The following PDE1C variants were observed in gnomAD, a reference collection of about 807,000 sequenced individuals.
The protein encoded by PDE1C is dual specificity calcium/calmodulin-dependent 3',5'-cyclic nucleotide phosphodiesterase 1C.
A neutral mutation model predicts 93.1 loss-of-function variants in PDE1C; 62 were observed. The observed-to-expected ratio is 0.67, with a 90% confidence interval of 0.54 to 0.82. PDE1C has a LOEUF of 0.82. Among genes scored for constraint, PDE1C ranks in the 40% least tolerant of loss-of-function variants. The pLI, the probability that PDE1C is intolerant of heterozygous loss-of-function variation, is 0.00. For synonymous variants in PDE1C, 325 were observed against 310.1 expected, an observed-to-expected ratio of 1.05 and a Z score of -0.50; for missense variants, 742 against 884.6, an observed-to-expected ratio of 0.84 and a Z score of 2.04.
At chr7:32,215,052 G>A (rs1475002169) in intron 1 of PDE1C, among the ~76,000 whole-genome samples, 1 of 152,032 alleles carries the variant, frequency 6.6e-6, no homozygotes, top group African/African-American at 2.4e-5. Context: ...CCCTGCAAGT[G>A]AGGACAGGAC....
At chr7:31,637,217 A>G in the PDE1C span, among the ~76,000 whole-genome samples, 1 of 152,136 alleles carries the variant, frequency 6.6e-6, no homozygotes, top group African/African-American at 2.4e-5. Flanking sequence ...GTGTCTTTAT[A>G]GCAGCATGAT....
In PDE1C at chr7:31,864,958, T is replaced by G. The variant is rs759241608; in HGVS notation, c.734A>C (p.Tyr245Ser). 6.2e-7 allele frequency: 1 copy of G among 1,613,900 alleles called. No individual in the cohort carries two copies. The highest frequency in any genetic ancestry group is 1.1e-5 in the South Asian group (1 of 91,050). Residue 245 changes from tyrosine (Y) to serine (S), a missense_variant, in exon 7 of 18, where the codon TAT becomes TCT. By Grantham distance (144) the Tyr-to-Ser change is moderately radical. Transcript: ENST00000396191. ...DVTQTVHYLL[Y>S]KTGVANWLTE... Reference sequence around the variant, plus strand: ...CCTACTTACCGCCACTCCTGTCTTATAGAGGAGGTAATGCACTGTCTGTGT... The same window carrying G: ...CCTACTTACCGCCACTCCTGTCTTAGAGAGGAGGTAATGCACTGTCTGTGT...
At chr7:31,683,522 A>G in the PDE1C span, among the ~76,000 whole-genome samples, 1 of 152,170 alleles carries the variant, frequency 6.6e-6, no homozygotes, top group South Asian at 2.1e-4. Context: ...AAAACTGCCC[A>G]GAGCAAAGAC....
At chr7:31,737,620 G>A in the PDE1C span, among the ~76,000 whole-genome samples, 7 of 151,846 alleles carry the variant, frequency 4.6e-5, no homozygotes, top group Admixed American at 4.6e-4. Context: ...TGGCAAACAT[G>A]GTGAAATCCT....
chr7:32,270,339 A>G (rs1256232660), intron 1 of PDE1C, among the ~76,000 whole-genome samples: 1 of 151,764 alleles, frequency 6.6e-6, no homozygotes, highest in East Asian at 1.9e-4. Context: ...TGGGTGATAT[A>G]AAAGGAAAAA....
chr7:31,723,115 C>A, the PDE1C span, among the ~76,000 whole-genome samples: 1 of 152,178 alleles, frequency 6.6e-6, no homozygotes, highest in East Asian at 1.9e-4. Flanking sequence ...AATAACTGCT[C>A]ATTCCTGCTT....
chr7:31,891,467 T>C (rs71530564), intron 2 of PDE1C, among the ~76,000 whole-genome samples: 1,821 of 152,320 alleles, frequency 0.012, 15 homozygotes, highest in Middle Eastern at 0.027. Context: ...TTTCTAACTT[T>C]AAAATCCTTT....
intron 1 of PDE1C, among the ~76,000 whole-genome samples, chr7:32,266,727 G>C (rs1191963966): frequency 6.6e-6 from 1 of 152,136 alleles, no homozygotes; most frequent in Non-Finnish European, 1.5e-5. Flanking sequence ...CTTAAACAGA[G>C]ACCTGAACCA....
intron 3 of PDE1C, among the ~76,000 whole-genome samples, chr7:32,089,608 G>A (rs376450659): frequency 7.2e-5 from 11 of 152,182 alleles, no homozygotes; most frequent in Non-Finnish European, 7.3e-5. Flanking sequence ...CGCAGTTCTC[G>A]TGATAGGAAC....
At chr7:31,830,910 TAC>T (rs1790300635) in intron 11 of PDE1C, among the ~76,000 whole-genome samples, 1 of 152,208 alleles carries the variant, frequency 6.6e-6, no homozygotes, top group Admixed American at 6.5e-5. Flanking sequence ...TCCTATACTG[TAC>T]ATGAGTGAGT....
chr7:31,685,673 C>T, the PDE1C span, among the ~76,000 whole-genome samples: 1 of 152,172 alleles, frequency 6.6e-6, no homozygotes, highest in Non-Finnish European at 1.5e-5. Flanking sequence ...ACCTATGTAA[C>T]AAACCTGCAC....
At chr7:32,258,072 A>G (rs572324787) in intron 1 of PDE1C, among the ~76,000 whole-genome samples, 10 of 152,336 alleles carry the variant, frequency 6.6e-5, no homozygotes, top group South Asian at 4.1e-4. Flanking sequence ...AGATGAATGG[A>G]ATAGTACCCC....
chr7:31,920,812 T>G (rs1315547011), intron 2 of PDE1C, among the ~76,000 whole-genome samples: 2 of 152,218 alleles, frequency 1.3e-5, no homozygotes, highest in Non-Finnish European at 2.9e-5. Context: ...GTGGTATGAC[T>G]ATTTTCTGAT....
At chr7:31,736,306 G>A in the PDE1C span, among the ~76,000 whole-genome samples, 1 of 152,194 alleles carries the variant, frequency 6.6e-6, no homozygotes, top group African/African-American at 2.4e-5. Context: ...CTGTGGGCTT[G>A]ATTTTTAAGT....
At chr7:31,923,921 G>C (rs1465009102) in intron 2 of PDE1C, among the ~76,000 whole-genome samples, 3 of 152,190 alleles carry the variant, frequency 2.0e-5, no homozygotes, top group African/African-American at 7.2e-5. Context: ...ATATCCTCTA[G>C]ACATAGGTGT....
rs78747326 is a variant in PDE1C at position 32,186,784 on chromosome 7, G to A, written c.137-16828C>T. 8.5e-3 allele frequency among the ~76,000 whole-genome samples: 1,297 copies of A among 152,020 alleles called. 20 individuals carry two copies. The highest frequency in any genetic ancestry group is 0.029 in the African/African-American group (1,202 of 41,458). ...CTGATTTTTTGTCATCTAACTCATG[G>A]GAATTTTTGTAACTATTTCATGGGC... On this transcript the variant is annotated intron_variant, in intron 2 of 18. Transcript: ENST00000396193.
rs1234202374 is a variant in PDE1C, at chr7:31,886,802, T to TTTCGGATCTAC, written c.129-5943_129-5942insGTAGATCCGAA. Among the ~76,000 whole-genome samples, 532 of 136,056 alleles carry TTTCGGATCTAC rather than the reference T, an allele frequency of 3.9e-3. 6 individuals carry two copies. Among genetic ancestry groups the TTTCGGATCTAC allele is most frequent in the African/African-American group, 1.0e-2 (362 of 36,318 alleles). 89.3% of individuals were successfully genotyped at this position (136,056 alleles called of 152,430 possible). ...TTCAGAATAGATCTTTTCGGATCTT[T>TTTCGGATCTAC]TCAGAATAGATCTTTTCGGATCTTT... On this transcript the variant is annotated intron_variant, in intron 2 of 17. Coordinates refer to ENST00000396191, the MANE Select transcript of PDE1C (RefSeq NM_001191057.4).
chr7:32,039,132 G>A (rs1024905670), intron 2 of PDE1C, among the ~76,000 whole-genome samples: 1 of 152,068 alleles, frequency 6.6e-6, no homozygotes, highest in South Asian at 2.1e-4. Flanking sequence ...TCCTCTGAAG[G>A]AATGGGGCTT....
At chr7:32,278,162 C>A (rs1487497919) in intron 1 of PDE1C, among the ~76,000 whole-genome samples, 1 of 147,552 alleles carries the variant, frequency 6.8e-6, no homozygotes, top group Non-Finnish European at 1.5e-5. Flanking sequence ...AGGAAGGATT[C>A]CAAGAAGATA....
Sources: allele counts gnomAD v4.1 joint callset (sites outside exome capture counted in the v4.1 genomes callset), GRCh38; gene constraint gnomAD v4.1.1; transcripts MANE v1.5; gene names NCBI Gene and HGNC (gene_info 2026-07-23, HGNC 2026-07-21).